The following AGL variants were observed in gnomAD, a reference collection of about 807,000 sequenced individuals.
AGL encodes the protein glycogen debranching enzyme.
A neutral mutation model predicts 199.3 loss-of-function variants in AGL; 128 were observed. The ratio of observed to expected loss-of-function variants is 0.64; its 90% CI spans 0.56 to 0.74. The LOEUF (loss-of-function observed/expected upper bound fraction) is 0.74, where lower values mean the gene tolerates loss of function less well. AGL is among the 30% of genes least tolerant of loss of function. AGL has a pLI of 0.00. For missense variants in AGL, 1,809 were observed against 1,820.8 expected (o/e 0.99, Z 0.12); for synonymous variants, 584 against 594.7 (o/e 0.98, Z 0.26).
chr1:99,913,506 A>T, intron 29 of AGL, 21 bp from the exon 30 acceptor site: 1 of 1,567,210 alleles, frequency 6.4e-7, no homozygotes. Flanking sequence ...TAAAACTACC[A>T]TGTCTTATGT....
intron 7 of AGL, among the ~76,000 whole-genome samples, chr1:99,871,166 A>G (rs1650970314): frequency 6.6e-6 from 1 of 152,156 alleles, no homozygotes; most frequent in Non-Finnish European, 1.5e-5. Flanking sequence ...TATGAATGGG[A>G]AGTAGGTTGA....
chr1:99,913,705 G>A lies in AGL; in HGVS notation c.4128G>A (p.Gln1376=). 1 of 1,614,102 alleles carries A rather than the reference G, an allele frequency of 6.2e-7. No homozygotes were observed. Among genetic ancestry groups the A allele is most frequent in the South Asian group, 1.1e-5 (1 of 91,080 alleles). The change falls in exon 30 of 34, where the codon CAG becomes CAA. Residue 1376 remains glutamine (Q), a synonymous_variant. Coordinates refer to ENST00000361915, the MANE Select transcript of AGL (RefSeq NM_000642.3). Reference sequence around the variant, plus strand: ...CTTCAAGTCCTTGGTGTGACTATCAGCTCAGGCCTAATTTTACCATAGCAA... The same window carrying A: ...CTTCAAGTCCTTGGTGTGACTATCAACTCAGGCCTAATTTTACCATAGCAA... ...YGASSPWCDY[Q]LRPNFTIAMV... is the part of the protein sequence containing the mutation.
chr1:99,886,730 T>C (rs72968985), intron 20 of AGL, among the ~76,000 whole-genome samples: 66 of 152,352 alleles, frequency 4.3e-4, no homozygotes, highest in African/African-American at 1.6e-3. Context: ...TTTTATGTAT[T>C]ACCCCATTTT....
intron 30 of AGL, 120 bp from the exon 31 acceptor site, chr1:99,915,267 CAA>C: frequency 3.6e-6 from 3 of 826,932 alleles, no homozygotes; most frequent in Non-Finnish European, 6.2e-6. Flanking sequence ...CATCTACACT[CAA>C]ATTCTGACCC....
chr1:99,903,538 A>G lies in AGL; in HGVS notation c.3700+744A>G, dbSNP rs186765533. On this transcript the variant is annotated intron_variant, in intron 27 of 33. Coordinates refer to ENST00000361915, the MANE Select transcript of AGL (RefSeq NM_000642.3). ...ATTTTCTTAATCCAGTCTATCATTG[A>G]TGGACATTTGGGTTGGTTCCAAGTC... is the stretch of plus-strand genomic sequence containing the variant. 4.3e-3 allele frequency among the ~76,000 whole-genome samples: 648 copies of G among 152,212 alleles called. 1 individual carries two copies. The highest frequency in any genetic ancestry group is 0.015 in the African/African-American group (612 of 41,520).
intron 27 of AGL, among the ~76,000 whole-genome samples, chr1:99,909,660 A>C (rs1235159274): frequency 6.6e-6 from 1 of 151,944 alleles, no homozygotes; most frequent in Non-Finnish European, 1.5e-5. Context: ...TTTTAAAAAA[A>C]GAAAAAAAAA....
At chr1:99,901,955 A>G (rs1241614004) in intron 26 of AGL, among the ~76,000 whole-genome samples, 1 of 152,142 alleles carries the variant, frequency 6.6e-6, no homozygotes, top group Non-Finnish European at 1.5e-5. Context: ...ATTATTTTAC[A>G]CATAACTTTG....
At chr1:99,910,602 G>C in intron 27 of AGL, 110 bp from the exon 28 acceptor site, 1 of 471,076 alleles carries the variant, frequency 2.1e-6, no homozygotes, top group Non-Finnish European at 3.3e-6. Context: ...GAGCTTTAGA[G>C]TGGTTGTCCT....
In AGL at chr1:99,877,804, C is replaced by T. The variant is rs1651676815; in HGVS notation, c.1587C>T (p.His529=). 6.2e-7 allele frequency: 1 copy of T among 1,614,022 alleles called. No homozygotes were observed. Among genetic ancestry groups the T allele is most frequent in the African/African-American group, 1.3e-5 (1 of 75,056 alleles). The change falls in exon 12 of 34, where the codon CAC becomes CAT. Residue 529 remains histidine, a synonymous_variant. Transcript: ENST00000361915. ...YFQGVRLDNC[H]STPLHVAEYM... ...AGGGAGTACGTCTTGATAACTGCCA[C>T]TCAACACCTCTTCACGTAGCTGAGG... is the stretch of plus-strand genomic sequence containing the variant.
At chr1:99,850,835 C>T (rs1648889742) in intron 1 of AGL, 140 bp from the exon 2 acceptor site, 2 of 596,844 alleles carry the variant, frequency 3.4e-6, no homozygotes, top group South Asian at 4.0e-5. Flanking sequence ...CTTCTCGAAT[C>T]TTAATAGTTA....
chr1:99,900,263 G>A (rs1653721102), intron 25 of AGL, among the ~76,000 whole-genome samples: 1 of 152,000 alleles, frequency 6.6e-6, no homozygotes, highest in South Asian at 2.1e-4. Flanking sequence ...TTTACTCTTG[G>A]TTTCTGCTAT....
At chr1:99,851,777 G>A (rs1372114621) in intron 2 of AGL, among the ~76,000 whole-genome samples, 1 of 152,160 alleles carries the variant, frequency 6.6e-6, no homozygotes, top group East Asian at 1.9e-4. Context: ...TTTCAACATT[G>A]AAGAAGTGTA....
At chr1:99,872,451 A>C (rs1651097974) in intron 7 of AGL, among the ~76,000 whole-genome samples, 1 of 152,232 alleles carries the variant, frequency 6.6e-6, no homozygotes, top group Non-Finnish European at 1.5e-5. Context: ...ATACCAACTT[A>C]ATATTATCAC....
chr1:99,870,098 A>T (rs575117427), intron 5 of AGL, among the ~76,000 whole-genome samples: 3 of 152,184 alleles, frequency 2.0e-5, no homozygotes, highest in Admixed American at 6.5e-5. Context: ...AAAACAACGT[A>T]TTTCATTAAC....
intron 7 of AGL, among the ~76,000 whole-genome samples, chr1:99,872,234 A>T (rs1475209925): frequency 6.6e-6 from 1 of 152,100 alleles, no homozygotes; most frequent in African/African-American, 2.4e-5. Context: ...TGTGCTAGAC[A>T]TGAGGATTCA....
intron 25 of AGL, among the ~76,000 whole-genome samples, chr1:99,899,084 T>C (rs1389436987): frequency 1.3e-5 from 2 of 150,768 alleles, no homozygotes; most frequent in South Asian, 2.1e-4. Context: ...AAAACAAATA[T>C]ATATGTATAT....
At chr1:99,852,237 C>T (rs928930091) in intron 2 of AGL, among the ~76,000 whole-genome samples, 1 of 151,614 alleles carries the variant, frequency 6.6e-6, no homozygotes, top group Admixed American at 6.6e-5. Context: ...GAGCTTTCTT[C>T]TTCTTGGAAG....
intron 21 of AGL, among the ~76,000 whole-genome samples, chr1:99,888,427 C>T (rs1652627644): frequency 6.6e-6 from 1 of 152,130 alleles, no homozygotes; most frequent in Non-Finnish European, 1.5e-5. Context: ...CTAGTTCTAT[C>T]TCTTTCCTTA....
At chr1:99,882,116 G>A (rs1381103917) in intron 17 of AGL, among the ~76,000 whole-genome samples, 3 of 147,030 alleles carry the variant, frequency 2.0e-5, no homozygotes, top group Non-Finnish European at 4.5e-5. Context: ...TCTACTGGGT[G>A]ATAGAGTGAG....
Sources: gnomAD v4.1 joint callset for allele counts (sites outside exome capture counted in the v4.1 genomes callset) on GRCh38, gnomAD v4.1.1 for gene constraint, MANE v1.5 for transcripts, NCBI Gene and HGNC (gene_info 2026-07-23, HGNC 2026-07-21) for gene names.